GRK5: variants seen among roughly 807,000 people sequenced by gnomAD.
GRK5 encodes the protein g protein-coupled receptor kinase GRK5.
A neutral mutation model predicts 78.4 loss-of-function variants in GRK5; 40 were observed. That is an observed-to-expected ratio of 0.51 (90% CI 0.40 to 0.66). The LOEUF is 0.66. Ranked by LOEUF, GRK5 falls within the 30% of genes least tolerant of loss-of-function variation. The pLI is 0.00. For synonymous variants in GRK5, 289 were observed against 296.8 expected, an observed-to-expected ratio of 0.97 and a Z score of 0.27; for missense variants, 598 against 759.9, an observed-to-expected ratio of 0.79 and a Z score of 2.50.
intron 4 of GRK5, among the ~76,000 whole-genome samples, chr10:119,416,614 T>C (rs1282465254): frequency 6.6e-6 from 1 of 151,372 alleles, no homozygotes; most frequent in Non-Finnish European, 1.5e-5. Context: ...AATTTGAGAC[T>C]GCTTCTCACT....
intron 3 of GRK5, among the ~76,000 whole-genome samples, chr10:119,385,919 C>T (rs1851786723): frequency 6.6e-6 from 1 of 151,712 alleles, no homozygotes; most frequent in Non-Finnish European, 1.5e-5. Context: ...GAGTCTTACT[C>T]GGTCACCCAG....
intron 4 of GRK5, among the ~76,000 whole-genome samples, chr10:119,414,419 A>G (rs1852405617): frequency 6.6e-6 from 1 of 152,174 alleles, no homozygotes; most frequent in Admixed American, 6.5e-5. Context: ...ACAGCACTAT[A>G]CAAACACCAT....
At chr10:119,313,207 TA>T (rs1564887302) in intron 1 of GRK5, among the ~76,000 whole-genome samples, 15 of 145,384 alleles carry the variant, frequency 1.0e-4, no homozygotes, top group Non-Finnish European at 2.0e-4. Flanking sequence ...GTGGTAATGG[TA>T]GTGGTGGTGG....
At chr10:119,233,405 GC>G (rs974938260) in intron 1 of GRK5, among the ~76,000 whole-genome samples, 1 of 152,042 alleles carries the variant, frequency 6.6e-6, no homozygotes, top group African/African-American at 2.4e-5. Context: ...CTCTTCTGCT[GC>G]TGGGGTTGCC....
intron 2 of GRK5, among the ~76,000 whole-genome samples, chr10:119,339,423 C>T (rs1409623450): frequency 6.6e-6 from 1 of 152,304 alleles, no homozygotes; most frequent in East Asian, 1.9e-4. Flanking sequence ...AGTACCTTGG[C>T]AGCAGGGCCC....
intron 8 of GRK5, among the ~76,000 whole-genome samples, chr10:119,432,969 G>C (rs1852848985): frequency 6.6e-6 from 1 of 152,182 alleles, no homozygotes; most frequent in South Asian, 2.1e-4. Flanking sequence ...TACTTGGGAG[G>C]CTGAGGCATG....
chr10:119,324,543 G>T (rs942112249), intron 1 of GRK5, among the ~76,000 whole-genome samples: 5 of 152,148 alleles, frequency 3.3e-5, no homozygotes, highest in Admixed American at 3.3e-4. Flanking sequence ...CAGGAGGATC[G>T]CTTGAACCCG....
rs1388327200 is a variant in GRK5 at position 119,451,088 on chromosome 10, C to G, written c.1405-1583C>G. Among the ~76,000 whole-genome samples the G allele has an allele frequency of 4.1e-5, 3 of 73,896 alleles. No individual in the cohort carries two copies. The Admixed American group carries it at 4.6e-4, about 11-fold the overall frequency. 48.5% of individuals were successfully genotyped at this position (73,896 alleles called of 152,430 possible). A position where few individuals can be genotyped will look rare whatever the true frequency, so the allele number is the denominator to read the frequency against. ...TCCCTGCCAGCCCCCCACCATCGTC[C>G]CTGCCAGCCCCCCACCGTCGTCCCT... On this transcript the variant is annotated intron_variant, in intron 13 of 15. Transcript: ENST00000392870.
intron 3 of GRK5, among the ~76,000 whole-genome samples, chr10:119,385,488 G>A (rs993247592): frequency 3.9e-5 from 6 of 152,136 alleles, no homozygotes; most frequent in African/African-American, 1.4e-4. Flanking sequence ...GCTTTGAGGG[G>A]CTGAGGTGGG....
Position 119,431,519 on chromosome 10 carries a change from C to T in GRK5, c.730C>T (p.Gln244Ter). ...GCAGATCCTCGAGAAGGTCAACAGT[C>T]AGTTTGTGGTGAGTGAGCATCTGGG... Reference protein sequence around the residue: ...EKQILEKVNSQFVVNLAYAYE... With the variant: ...EKQILEKVNS The change falls in exon 8 of 16, where the codon CAG becomes TAG. Residue 244 changes from glutamine to a stop codon, truncating the protein, a stop_gained. Transcript: ENST00000392870. LOFTEE classifies it high-confidence loss of function. This position sits in a 1 kb window ranked among gnomAD's most constrained non-coding sequence, Gnocchi z 4.8. 6.2e-7 allele frequency: 1 copy of T among 1,613,180 alleles called. No homozygotes were observed. The highest frequency in any genetic ancestry group is 8.5e-7 in the Non-Finnish European group (1 of 1,179,524).
chr10:119,344,182 A>G (rs1377914072), intron 2 of GRK5, among the ~76,000 whole-genome samples: 1 of 144,100 alleles, frequency 6.9e-6, no homozygotes, highest in Admixed American at 6.8e-5. Flanking sequence ...TTTATTTTAT[A>G]TTTATTTTTG....
intron 2 of GRK5, among the ~76,000 whole-genome samples, chr10:119,347,723 G>A (rs748318471): frequency 6.6e-6 from 1 of 152,260 alleles, no homozygotes; most frequent in Non-Finnish European, 1.5e-5. Flanking sequence ...CCCGGCCCCC[G>A]CACATCGTGC....
chr10:119,218,667 T>C (rs76312594), intron 1 of GRK5, among the ~76,000 whole-genome samples: 3,518 of 152,240 alleles, frequency 0.023, 49 homozygotes, highest in Non-Finnish European at 0.036. Context: ...GGACAAAGGA[T>C]TGGACCATCG....
At chr10:119,390,450 T>C (rs879482853) in intron 3 of GRK5, among the ~76,000 whole-genome samples, 1 of 152,140 alleles carries the variant, frequency 6.6e-6, no homozygotes, top group Non-Finnish European at 1.5e-5. Context: ...ATCCCAGCAC[T>C]TTGGGAGGCC....
chr10:119,424,082 G>C (rs1310363300), intron 5 of GRK5, among the ~76,000 whole-genome samples: 3 of 152,150 alleles, frequency 2.0e-5, no homozygotes, highest in African/African-American at 7.2e-5. Flanking sequence ...CCAAGCAGTG[G>C]GTTAGGTGCT....
intron 2 of GRK5, among the ~76,000 whole-genome samples, chr10:119,364,708 A>C (rs922071933): frequency 6.6e-6 from 1 of 152,242 alleles, no homozygotes; most frequent in African/African-American, 2.4e-5. Context: ...AGCATACTGC[A>C]TATGAGGAGT....
chr10:119,365,398 T>A (rs1160851088), intron 2 of GRK5, among the ~76,000 whole-genome samples: 1 of 152,230 alleles, frequency 6.6e-6, no homozygotes, highest in Non-Finnish European at 1.5e-5. Flanking sequence ...CTTGAAGATT[T>A]ATATGAAACA....
At chr10:119,287,223 AAGGGAGGGAGAG>A (rs747809449) in intron 1 of GRK5, among the ~76,000 whole-genome samples, 39 of 140,792 alleles carry the variant, frequency 2.8e-4, no homozygotes, top group South Asian at 7.4e-4. Flanking sequence ...GGAAGAAAGG[AAGGGAGGGAGAG>A]AGGGAGGGAG....
chr10:119,274,798 G>A (rs535625628), intron 1 of GRK5, among the ~76,000 whole-genome samples: 4 of 152,184 alleles, frequency 2.6e-5, no homozygotes, highest in Non-Finnish European at 4.4e-5. Flanking sequence ...AACACTGATC[G>A]GGAAGTCAGC....
Sources: gnomAD v4.1 joint callset for allele counts (sites outside exome capture counted in the v4.1 genomes callset) on GRCh38, gnomAD v4.1.1 for gene constraint, Gnocchi (gnomAD v3.1) non-coding constraint, MANE v1.5 for transcripts, NCBI Gene and HGNC (gene_info 2026-07-23, HGNC 2026-07-21) for gene names.